Variants in WDR27 observed in about 807,000 individuals in gnomAD.
WDR27 encodes WD repeat-containing protein 27.
Under a neutral mutation model 114.4 loss-of-function variants are expected in WDR27, and 100 were observed. The ratio of observed to expected loss-of-function variants is 0.87; its 90% confidence interval spans 0.74 to 1.03. The LOEUF is 1.03. WDR27 is among the 50% of genes least tolerant of loss of function. The pLI, the probability that WDR27 is intolerant of heterozygous loss-of-function variation, is 0.00. For synonymous variants in WDR27, 449 were observed against 423.1 expected (o/e 1.06, Z -0.75); for missense variants, 1,129 against 1,092.9 (o/e 1.03, Z -0.47).
chr6:169,639,944 C>T (rs114984399), intron 17 of WDR27, among the ~76,000 whole-genome samples: 2,910 of 152,242 alleles, frequency 0.019, 88 homozygotes, highest in African/African-American at 0.065. Flanking sequence ...GAGCCAAAGC[C>T]AGCTGTGTGG....
At chr6:169,442,688 G>A in the WDR27 span, among the ~76,000 whole-genome samples, 1 of 152,166 alleles carries the variant, frequency 6.6e-6, no homozygotes, top group African/African-American at 2.4e-5. Context: ...TGGCCCAGGA[G>A]TGGGCACATA....
At chr6:169,550,696 C>T (rs80108472) in intron 25 of WDR27, among the ~76,000 whole-genome samples, 1 of 151,574 alleles carries the variant, frequency 6.6e-6, no homozygotes, top group African/African-American at 2.4e-5. Context: ...GCTGGGATTA[C>T]AGGTGTGAGC....
intron 6 of WDR27, among the ~76,000 whole-genome samples, chr6:169,666,255 C>T (rs1827792190): frequency 6.6e-6 from 1 of 152,160 alleles, no homozygotes; most frequent in African/African-American, 2.4e-5. Context: ...GTGCTTCACC[C>T]TGATAGAAAG....
chr6:169,627,672 C>G lies in WDR27; in HGVS notation c.2223+5275G>C, dbSNP rs541199124. On this transcript the variant is annotated intron_variant, in intron 21 of 25. Coordinates refer to ENST00000448612, the MANE Select transcript of WDR27 (RefSeq NM_182552.5). The stretch of plus-strand genomic sequence containing the variant: ...ATTGCTCAGGCAGGTGCAGCCACAG[C>G]ATGGGGTGTGATGTGAAGTGTCAGG... Among the ~76,000 whole-genome samples the G allele has an allele frequency of 1.7e-3, 252 of 152,302 alleles. 1 individual carries two copies. The highest frequency in any genetic ancestry group is 5.9e-3 in the African/African-American group (244 of 41,574).
chr6:169,656,324 C>T (rs1308657182), intron 13 of WDR27, among the ~76,000 whole-genome samples: 1 of 152,130 alleles, frequency 6.6e-6, no homozygotes, highest in East Asian at 1.9e-4. Context: ...TTCTCAATCC[C>T]GTCTGTGGAT....
the WDR27 span, among the ~76,000 whole-genome samples, chr6:169,449,824 C>T: frequency 1.3e-5 from 2 of 152,130 alleles, no homozygotes; most frequent in Non-Finnish European, 2.9e-5. Context: ...CCATAACCAT[C>T]GTGGAAACTA....
At chr6:169,646,631 C>G (rs1019721161) in intron 16 of WDR27, among the ~76,000 whole-genome samples, 2 of 151,888 alleles carry the variant, frequency 1.3e-5, no homozygotes, top group African/African-American at 4.8e-5. Context: ...ACCTGTAATC[C>G]TAGCTACGCG....
chr6:169,493,108 G>A (rs562911491), intron 25 of WDR27, among the ~76,000 whole-genome samples: 3 of 151,882 alleles, frequency 2.0e-5, no homozygotes, highest in Admixed American at 6.5e-5. Context: ...TATTAAAAAG[G>A]TTATAAAATT....
chr6:169,548,053 G>A (rs1285931206), intron 25 of WDR27, among the ~76,000 whole-genome samples: 2 of 152,106 alleles, frequency 1.3e-5, no homozygotes, highest in African/African-American at 2.4e-5. Context: ...ATGAACAAGT[G>A]GAATTTGAAA....
chr6:169,572,267 G>A (rs755244730), intron 25 of WDR27, among the ~76,000 whole-genome samples, 152 bp downstream of exon 25: 8 of 152,088 alleles, frequency 5.3e-5, no homozygotes, highest in Admixed American at 2.0e-4. Context: ...TGGGCCGGGC[G>A]TGGTGGCTCA....
intron 17 of WDR27, among the ~76,000 whole-genome samples, chr6:169,639,721 C>T (rs550330152): frequency 6.6e-6 from 1 of 152,180 alleles, no homozygotes; most frequent in Non-Finnish European, 1.5e-5. Flanking sequence ...CCTCATCCTA[C>T]TCCCAGCCTA....
At chr6:169,695,367 C>A (rs146576321) in intron 1 of WDR27, among the ~76,000 whole-genome samples, 1 of 152,232 alleles carries the variant, frequency 6.6e-6, no homozygotes, top group East Asian at 1.9e-4. Flanking sequence ...ACAGGTTTGG[C>A]AGGGGAGAAG....
chr6:169,552,971 CCGG>C (rs1398227728), intron 25 of WDR27, among the ~76,000 whole-genome samples: 5 of 76,132 alleles, frequency 6.6e-5, no homozygotes, highest in East Asian at 8.5e-4. Flanking sequence ...GAGGGCCTGC[CCGG>C]TGTGTGTGTG....
intron 25 of WDR27, among the ~76,000 whole-genome samples, chr6:169,516,820 CA>C (rs1477018810): frequency 1.6e-4 from 24 of 151,300 alleles, no homozygotes; most frequent in Non-Finnish European, 2.8e-4. Flanking sequence ...CACACACACA[CA>C]CACACACACA....
chr6:169,476,744 T>C (rs1032273453), intron 25 of WDR27, among the ~76,000 whole-genome samples: 6 of 152,254 alleles, frequency 3.9e-5, no homozygotes, highest in Admixed American at 1.3e-4. Context: ...TATTTTTAAG[T>C]TTACTTAGTT....
intron 25 of WDR27, among the ~76,000 whole-genome samples, chr6:169,494,385 T>C (rs1368143634): frequency 1.3e-5 from 2 of 152,148 alleles, no homozygotes; most frequent in African/African-American, 4.8e-5. Flanking sequence ...CAGTTCTTCT[T>C]GGGTCTTGAA....
chr6:169,697,492 C>G (rs959145148), intron 1 of WDR27, among the ~76,000 whole-genome samples: 1 of 152,176 alleles, frequency 6.6e-6, no homozygotes, highest in Non-Finnish European at 1.5e-5. Flanking sequence ...GTGGAGGGCC[C>G]GACATCAGTC....
At chr6:169,581,073 C>T (rs750720920) in intron 24 of WDR27, among the ~76,000 whole-genome samples, 4 of 151,806 alleles carry the variant, frequency 2.6e-5, no homozygotes, top group Non-Finnish European at 5.9e-5. Context: ...CGTCAGGAAG[C>T]AAGGTTCATG....
intron 25 of WDR27, among the ~76,000 whole-genome samples, chr6:169,500,552 G>T (rs1042269865): frequency 6.6e-6 from 1 of 152,172 alleles, no homozygotes; most frequent in African/African-American, 2.4e-5. Context: ...AAGGCATCAC[G>T]CAGAGAGGGC....
Sources: gnomAD v4.1 joint callset for allele counts (sites outside exome capture counted in the v4.1 genomes callset) on GRCh38, gnomAD v4.1.1 for gene constraint, MANE v1.5 for transcripts, NCBI Gene and HGNC (gene_info 2026-07-23, HGNC 2026-07-21) for gene names.